TNKS: variants seen among roughly 807,000 people sequenced by gnomAD.
The protein encoded by TNKS is tankyrase.
A neutral mutation model predicts 135.8 loss-of-function variants in TNKS; 72 were observed. That is an observed-to-expected ratio of 0.53 (90% CI 0.44 to 0.64). The LOEUF is 0.64. Ranked by LOEUF, TNKS falls within the 30% of genes least tolerant of loss-of-function variation. The pLI, the probability that TNKS is intolerant of heterozygous loss-of-function variation, is 0.00. For missense variants in TNKS, 1,769 were observed against 1,674.0 expected (o/e 1.06, Z -0.99); for synonymous variants, 849 against 649.3 (o/e 1.31, Z -4.68).
chr8:9,570,946 G>A (rs1015692999), intron 1 of TNKS, among the ~76,000 whole-genome samples: 2 of 152,146 alleles, frequency 1.3e-5, no homozygotes, highest in African/African-American at 4.8e-5. Context: ...TCCAGCCTGG[G>A]CAATAGAGTA....
intron 13 of TNKS, among the ~76,000 whole-genome samples, chr8:9,727,032 A>G (rs568455148): frequency 6.6e-6 from 1 of 152,322 alleles, no homozygotes; most frequent in Non-Finnish European, 1.5e-5. Context: ...AATTTCACTT[A>G]TATTAATTAC....
chr8:9,584,907 C>T (rs1041300900), intron 2 of TNKS, among the ~76,000 whole-genome samples: 5 of 152,274 alleles, frequency 3.3e-5, no homozygotes, highest in East Asian at 1.9e-4. Flanking sequence ...GGTGTTCCAA[C>T]GCATGTGGGA....
chr8:9,767,958 C>CAAAAAAAA (rs1030767438), intron 25 of TNKS, among the ~76,000 whole-genome samples: 1 of 68,068 alleles, frequency 1.5e-5, no homozygotes. Context: ...GACTCCGTCT[C>CAAAAAAAA]AAAAAAAAAA....
intron 12 of TNKS, chr8:9,722,506 A>G (rs1585376816): frequency 6.6e-6 from 1 of 150,994 alleles, no homozygotes; most frequent in Admixed American, 6.6e-5. Flanking sequence ...CATGAGTAAG[A>G]TCCAGCTGAA....
Position 9,556,428 on chromosome 8 carries a change from A to G in TNKS, c.489A>G (p.Ala163=), listed in dbSNP as rs1585161255. 1 of 1,614,136 alleles carries G rather than the reference A, an allele frequency of 6.2e-7. No individual in the cohort carries two copies. Among genetic ancestry groups the G allele is most frequent in the Non-Finnish European group, 8.5e-7 (1 of 1,180,018 alleles). The change falls in exon 1 of 27, where the codon GCA becomes GCG. Residue 163 remains alanine, a synonymous_variant. Transcript: ENST00000310430. ...SPEAAGVSST[A]PLGPGAAGPG... is the part of the protein sequence containing the mutation. ...AGGCGGCCGGAGTTAGCAGCACAGC[A>G]CCACTGGGGCCTGGGGCAGCAGGAC... is the stretch of plus-strand genomic sequence containing the variant.
chr8:9,672,785 T>G (rs2128793815), intron 3 of TNKS, among the ~76,000 whole-genome samples: 1 of 150,606 alleles, frequency 6.6e-6, no homozygotes, highest in East Asian at 2.0e-4. Context: ...GTTGATGGCT[T>G]AAATAATAGT....
intron 14 of TNKS, 23 bp downstream of exon 14, chr8:9,731,058 T>C: frequency 6.4e-7 from 1 of 1,553,212 alleles, no homozygotes; most frequent in South Asian, 1.2e-5. Context: ...AGTTAGCTGT[T>C]TGGGAGTCAT....
intron 3 of TNKS, chr8:9,670,051 A>G (rs1286606546): frequency 1.3e-5 from 2 of 152,200 alleles, no homozygotes; most frequent in Non-Finnish European, 2.9e-5. Context: ...TATAAAGTTA[A>G]TACTATGGGC....
In TNKS at chr8:9,708,368, C is replaced by A; in HGVS notation, c.1457-3C>A. The A allele has an allele frequency of 6.3e-7, 1 of 1,575,840 alleles. No homozygotes were observed. Among genetic ancestry groups the A allele is most frequent in the Non-Finnish European group, 8.6e-7 (1 of 1,161,306 alleles). Reference sequence around the variant, plus strand: ...TTTATGTCAACCATTGTTTCATTGACAGATGAATTTAAAGGTCATTCTTTA... The same window carrying A: ...TTTATGTCAACCATTGTTTCATTGAAAGATGAATTTAAAGGTCATTCTTTA... On this transcript the variant is annotated splice_polypyrimidine_tract_variant and splice_region_variant and intron_variant, in intron 8 of 26. Transcript: ENST00000310430.
intron 5 of TNKS, among the ~76,000 whole-genome samples, chr8:9,699,007 C>T (rs1189313784): frequency 6.6e-6 from 1 of 152,142 alleles, no homozygotes; most frequent in Non-Finnish European, 1.5e-5. Flanking sequence ...CCATAATTTA[C>T]TTTACATGTT....
intron 11 of TNKS, among the ~76,000 whole-genome samples, chr8:9,717,584 A>G (rs543603992): frequency 3.9e-5 from 6 of 152,220 alleles, no homozygotes; most frequent in Admixed American, 1.3e-4. Context: ...AGTATTTTTT[A>G]TCACCAGAAT....
At chr8:9,587,995 A>T (rs188352283) in intron 2 of TNKS, among the ~76,000 whole-genome samples, 2 of 152,306 alleles carry the variant, frequency 1.3e-5, no homozygotes, top group Admixed American at 1.3e-4. Context: ...TTATGTTGGC[A>T]AATATACAAG....
At chr8:9,775,533 T>C (rs981969443) in intron 26 of TNKS, among the ~76,000 whole-genome samples, 3 of 141,942 alleles carry the variant, frequency 2.1e-5, no homozygotes, top group Non-Finnish European at 3.1e-5. Context: ...TTATGTTTTT[T>C]TGTTATTTTT....
At chr8:9,568,515 A>C (rs1453413101) in intron 1 of TNKS, among the ~76,000 whole-genome samples, 2 of 152,224 alleles carry the variant, frequency 1.3e-5, no homozygotes. Context: ...AAATTTTAAA[A>C]ATAAAATGAT....
chr8:9,618,998 A>G (rs1022361171), intron 3 of TNKS, among the ~76,000 whole-genome samples: 4 of 152,176 alleles, frequency 2.6e-5, no homozygotes, highest in Admixed American at 2.0e-4. Flanking sequence ...TTCTATGAGT[A>G]TATTTTGGTT....
chr8:9,701,789 T>C (rs1052080801), intron 5 of TNKS, among the ~76,000 whole-genome samples: 2 of 151,944 alleles, frequency 1.3e-5, no homozygotes, highest in African/African-American at 2.4e-5. Flanking sequence ...AATTGGGAGT[T>C]TGGGGAGACT....
chr8:9,745,820 T>C (rs1352086449), intron 17 of TNKS, among the ~76,000 whole-genome samples: 1 of 152,212 alleles, frequency 6.6e-6, no homozygotes, highest in East Asian at 1.9e-4. Context: ...CTTCACTTTG[T>C]TTTCAGAAAC....
rs1427397732 is a variant in TNKS at position 9,657,736 on chromosome 8, G to A, written c.995-22215G>A. Reference sequence around the variant, plus strand: ...TCCCAGTAGGGGCGGCCGGGCAGAGGCGCCCCTCACCTCCCGGACGGGGCG... The same window carrying A: ...TCCCAGTAGGGGCGGCCGGGCAGAGACGCCCCTCACCTCCCGGACGGGGCG... On this transcript the variant is annotated intron_variant, in intron 3 of 26. Transcript: ENST00000310430. 6.5e-5 allele frequency among the ~76,000 whole-genome samples: 8 copies of A among 122,320 alleles called. 1 individual carries two copies. Among genetic ancestry groups the A allele is most frequent in the Non-Finnish European group, 1.8e-5 (1 of 57,068 alleles). The allele number at this position is 122,320 out of a possible 152,430, so 80.2% of individuals were successfully genotyped here.
intron 3 of TNKS, among the ~76,000 whole-genome samples, chr8:9,630,866 T>G (rs182061919): frequency 2.0e-5 from 3 of 152,228 alleles, no homozygotes; most frequent in African/African-American, 7.2e-5. Context: ...TCTAGAAACA[T>G]TCTCAGATCT....
Sources: gnomAD v4.1 joint callset for allele counts (sites outside exome capture counted in the v4.1 genomes callset) on GRCh38, gnomAD v4.1.1 for gene constraint, MANE v1.5 for transcripts, NCBI Gene and HGNC (gene_info 2026-07-23, HGNC 2026-07-21) for gene names.